Variants in UNC5A observed in about 807,000 individuals in gnomAD.
UNC5A encodes the protein unc-5 netrin receptor A.
In UNC5A, 20 loss-of-function variants were observed where a neutral mutation model predicts 87.4. The observed-to-expected ratio is 0.23, with a 90% CI of 0.16 to 0.33. The LOEUF (loss-of-function observed/expected upper bound fraction) is 0.33, where lower values mean the gene tolerates loss of function less well. Ranked by LOEUF, UNC5A falls within the 10% of genes least tolerant of loss-of-function variation. The pLI is 1.00. For synonymous variants in UNC5A, 438 were observed against 482.3 expected (o/e 0.91, Z 1.20); for missense variants, 844 against 1,133.4 (o/e 0.74, Z 3.67).
chr5:176,842,323 A>C lies in UNC5A; in HGVS notation c.71-20301A>C, dbSNP rs532328814. On this transcript the variant is annotated intron_variant, in intron 1 of 14. Coordinates refer to ENST00000329542, the MANE Select transcript of UNC5A (RefSeq NM_133369.3). ...TGGAAGACAGTGTGGAGATTCCTTA[A>C]AGAGCTACCCTTTAATCCAGGAATG... Among the ~76,000 whole-genome samples the C allele has an allele frequency of 1.8e-3, 279 of 152,364 alleles. 1 individual carries two copies. The highest frequency in any genetic ancestry group is 3.2e-3 in the Non-Finnish European group (215 of 68,040).
At chr5:176,868,519 G>T (rs1194008847) in intron 3 of UNC5A, 42 bp from the exon 4 acceptor site, 1 of 1,556,008 alleles carries the variant, frequency 6.4e-7, no homozygotes, top group Non-Finnish European at 8.7e-7. Flanking sequence ...CTGAGCCTGT[G>T]CGAGGCCCTC....
At chr5:176,873,881 C>T in intron 6 of UNC5A, 87 bp from the exon 7 acceptor site, 2 of 1,454,752 alleles carry the variant, frequency 1.4e-6, no homozygotes, top group Non-Finnish European at 9.3e-7. Flanking sequence ...GGGTGCAGAC[C>T]TCATCCTCCT....
rs2149365768 is a variant in UNC5A at position 176,866,727 on chromosome 5, G to A, written c.293-1403G>A. Among the ~76,000 whole-genome samples, 1 of 152,278 alleles carries A rather than the reference G, an allele frequency of 6.6e-6. No individual in the cohort carries two copies. Among genetic ancestry groups the A allele is most frequent in the African/African-American group, 2.4e-5 (1 of 41,560 alleles). ...CATTGAAAGATAGCTGGTGCCCAAG[G>A]CCCCTCTCCTATACAAGGACCCTGT... On this transcript the variant is annotated intron_variant, in intron 2 of 14. Coordinates refer to ENST00000329542, the MANE Select transcript of UNC5A (RefSeq NM_133369.3). This position sits in a 1 kb window ranked among gnomAD's most constrained non-coding sequence, Gnocchi z 5.0.
chr5:176,845,418 A>T (rs747916301), intron 1 of UNC5A, among the ~76,000 whole-genome samples: 3 of 152,040 alleles, frequency 2.0e-5, no homozygotes, highest in Non-Finnish European at 2.9e-5. Flanking sequence ...GCCTGGAATG[A>T]CCTTCCCTAC....
At chr5:176,817,718 G>A (rs1756627530) in intron 1 of UNC5A, among the ~76,000 whole-genome samples, 1 of 152,092 alleles carries the variant, frequency 6.6e-6, no homozygotes, top group African/African-American at 2.4e-5. Flanking sequence ...GGATCTGCGG[G>A]GCACGTGAGC....
rs776166906 is a variant in UNC5A at position 176,874,086 on chromosome 5, C to T, written c.1005C>T (p.Asp335=). ...ATTGCCGGAAGAAGGAGGGGCTGGA[C>T]TCAGATGTGGCTGACTCGTCCATTC... The part of the protein sequence containing the change: ...LVYCRKKEGL[D]SDVADSSILT... Residue 335 remains aspartate, a synonymous_variant, in exon 7 of 15, where the codon GAC becomes GAT. Transcript: ENST00000329542. This position sits in a 1 kb window ranked among gnomAD's most constrained non-coding sequence, Gnocchi z 7.6. The T allele has an allele frequency of 3.7e-6, 6 of 1,614,094 alleles. No homozygotes were observed. In the South Asian group the frequency reaches 5.5e-5, roughly 15 times the overall value.
chr5:176,817,832 G>T (rs1301572199), intron 1 of UNC5A, among the ~76,000 whole-genome samples: 1 of 151,860 alleles, frequency 6.6e-6, no homozygotes, highest in Non-Finnish European at 1.5e-5. Flanking sequence ...TCGCGCCCGG[G>T]GACGTCCAGG....
rs536613494 is a variant in UNC5A, at chr5:176,850,429, C to T, written c.71-12195C>T. ...GAAGGCACACTTTGGGTGGTGGGGC[C>T]GGGGGTGGAGGCTGGATGAGTTAGG... On this transcript the variant is annotated intron_variant, in intron 1 of 14. Coordinates refer to ENST00000329542, the MANE Select transcript of UNC5A (RefSeq NM_133369.3). 1.0e-4 allele frequency among the ~76,000 whole-genome samples: 15 copies of T among 145,980 alleles called. No homozygotes were observed. The South Asian group carries it at 2.1e-3, about 21-fold the overall frequency.
In UNC5A at chr5:176,824,385, A is replaced by G. The variant is rs73340058; in HGVS notation, c.70+13565A>G. Among the ~76,000 whole-genome samples, 8,670 of 152,080 alleles carry G rather than the reference A, an allele frequency of 0.057. 701 individuals are homozygous for G. The highest frequency in any genetic ancestry group is 0.18 in the African/African-American group (7,450 of 41,436). On this transcript the variant is annotated intron_variant, in intron 1 of 14. Coordinates refer to ENST00000329542, the MANE Select transcript of UNC5A (RefSeq NM_133369.3). This position sits in a 1 kb window ranked among gnomAD's most constrained non-coding sequence, Gnocchi z 4.2. Reference sequence around the variant, plus strand: ...ACAGCCTTCCTGGCCCTAGATCCACAAACTTCCCGCTTTAACGCCCGTGTG... The same window carrying G: ...ACAGCCTTCCTGGCCCTAGATCCACGAACTTCCCGCTTTAACGCCCGTGTG...
chr5:176,854,347 C>G (rs919788554), intron 1 of UNC5A, among the ~76,000 whole-genome samples: 3 of 152,182 alleles, frequency 2.0e-5, no homozygotes, highest in Non-Finnish European at 4.4e-5. Flanking sequence ...TTATCAGAGC[C>G]CCCTAGTGAA....
At position 176,862,903 on chromosome 5, in the gene UNC5A, C is replaced by G. The variant is rs187665420; in HGVS notation, c.292+58C>G. 1.5e-3 allele frequency: 2,419 copies of G among 1,587,872 alleles called. 19 individuals carry two copies. The highest frequency in any genetic ancestry group is 0.011 in the African/African-American group (822 of 73,954). On this transcript the variant is annotated intron_variant, in intron 2 of 14. Transcript: ENST00000329542. ...CCGGGGGAGGCGAGTTTCGGCCCCC[C>G]CAGAGGAGCCTGCAGCTGCCCCCAG...
intron 8 of UNC5A, among the ~76,000 whole-genome samples, chr5:176,876,210 A>G (rs1402549432): frequency 6.6e-6 from 1 of 152,216 alleles, no homozygotes; most frequent in African/African-American, 2.4e-5. Flanking sequence ...CCTTCCTGCG[A>G]GGATGTCTGG....
Position 176,875,995 on chromosome 5 carries a change from C to T in UNC5A, c.1379-1197C>T, listed in dbSNP as rs943333093. 5.3e-5 allele frequency among the ~76,000 whole-genome samples: 8 copies of T among 152,370 alleles called. No homozygotes were observed. The South Asian group carries it at 1.0e-3, about 20-fold the overall frequency. ...AGAGACGCAGGCGAACAGTGGGGCC[C>T]GGCAGCCCTTGCTCTTCGCTCCCCA... On this transcript the variant is annotated intron_variant, in intron 8 of 14. Coordinates refer to ENST00000329542, the MANE Select transcript of UNC5A (RefSeq NM_133369.3). This position sits in a 1 kb window ranked among gnomAD's most constrained non-coding sequence, Gnocchi z 5.2.
intron 1 of UNC5A, among the ~76,000 whole-genome samples, chr5:176,860,005 T>C (rs1757794079): frequency 6.6e-6 from 1 of 152,220 alleles, no homozygotes. Context: ...GGGATTGTGC[T>C]GGGTTCACCA....
chr5:176,828,169 C>T (rs548498583), intron 1 of UNC5A, among the ~76,000 whole-genome samples: 12 of 152,198 alleles, frequency 7.9e-5, no homozygotes, highest in East Asian at 1.9e-4. Flanking sequence ...AGGATAAATG[C>T]GGCTACAAAC....
chr5:176,851,219 GC>G (rs1253865126), intron 1 of UNC5A, among the ~76,000 whole-genome samples: 3 of 152,236 alleles, frequency 2.0e-5, no homozygotes, highest in Non-Finnish European at 4.4e-5. Flanking sequence ...TTAGTTCCTT[GC>G]CTCTTAGAAT....
Position 176,872,337 on chromosome 5 carries a change from T to C in UNC5A, c.887-1631T>C, listed in dbSNP as rs188644131. 5.3e-3 allele frequency among the ~76,000 whole-genome samples: 46 copies of C among 8,666 alleles called. 3 individuals carry two copies. The highest frequency in any genetic ancestry group is 7.9e-3 in the South Asian group (2 of 254). The allele number at this position is 8,666 out of a possible 152,430, so 5.7% of individuals were successfully genotyped here. ...CACCAACACCACAGCTTCCCATCTGTCCACGCTCACCAACACCACAGCTTC... is the reference window on the plus strand; with the variant it reads ...CACCAACACCACAGCTTCCCATCTGCCCACGCTCACCAACACCACAGCTTC... On this transcript the variant is annotated intron_variant, in intron 6 of 14. Coordinates refer to ENST00000329542, the MANE Select transcript of UNC5A (RefSeq NM_133369.3).
intron 1 of UNC5A, among the ~76,000 whole-genome samples, chr5:176,827,391 C>T (rs186698622): frequency 2.9e-4 from 44 of 152,096 alleles, no homozygotes; most frequent in South Asian, 4.2e-4. Flanking sequence ...CCATGTTGGC[C>T]AGGCTGATCT....
Position 176,875,490 on chromosome 5 carries a change from C to T in UNC5A, c.1378+924C>T, listed in dbSNP as rs1033025477. Among the ~76,000 whole-genome samples, 6 of 152,158 alleles carry T rather than the reference C, an allele frequency of 3.9e-5. No individual in the cohort carries two copies. Among genetic ancestry groups the T allele is most frequent in the African/African-American group, 7.2e-5 (3 of 41,420 alleles). On this transcript the variant is annotated intron_variant, in intron 8 of 14. Transcript: ENST00000329542. This position sits in a 1 kb window ranked among gnomAD's most constrained non-coding sequence, Gnocchi z 5.2. ...TTGCCCCCCGCCAGCTTCAGTCCCA[C>T]GCCAGTCCCTCCTCAATAGCTCCTG... is the stretch of plus-strand genomic sequence containing the variant.
Sources: gnomAD v4.1 joint callset for allele counts (sites outside exome capture counted in the v4.1 genomes callset) on GRCh38, gnomAD v4.1.1 for gene constraint, Gnocchi (gnomAD v3.1) non-coding constraint, MANE v1.5 for transcripts, NCBI Gene and HGNC (gene_info 2026-07-23, HGNC 2026-07-21) for gene names.